LRRC72: variants seen among roughly 807,000 people sequenced by gnomAD.
LRRC72 encodes the protein leucine rich repeat containing 72, also known as leucine-rich repeat-containing protein 72.
In LRRC72, 41 loss-of-function variants were observed where a neutral mutation model predicts 35.8. The observed-to-expected ratio is 1.15, with a 90% confidence interval of 0.89 to 1.49. The LOEUF (loss-of-function observed/expected upper bound fraction) is 1.49. LRRC72 is among the 40% of genes most tolerant of loss of function. The pLI is 0.00. For missense variants in LRRC72, 389 were observed against 330.7 expected (o/e 1.18, Z -1.37); for synonymous variants, 118 against 119.2 (o/e 0.99, Z 0.07).
chr7:16,555,155 C>G (rs1782628986), intron 3 of LRRC72, among the ~76,000 whole-genome samples: 1 of 152,182 alleles, frequency 6.6e-6, no homozygotes, highest in African/African-American at 2.4e-5. Context: ...CATAACAAAA[C>G]ATTTGGTGAA....
chr7:16,553,904 T>C (rs1007721250), intron 3 of LRRC72, among the ~76,000 whole-genome samples: 1 of 152,216 alleles, frequency 6.6e-6, no homozygotes, highest in Admixed American at 6.5e-5. Context: ...TAAATAATAG[T>C]CATCTATTGA....
intron 3 of LRRC72, among the ~76,000 whole-genome samples, chr7:16,540,883 A>T (rs979511072): frequency 1.1e-4 from 17 of 152,132 alleles, no homozygotes; most frequent in African/African-American, 3.9e-4. Context: ...TTTATAAATG[A>T]CCCAGTCTTG....
Position 16,557,405 on chromosome 7 carries a change from C to G in LRRC72, c.280C>G (p.Leu94Val). The G allele has an allele frequency of 7.5e-7, 1 of 1,335,008 alleles. No individual in the cohort carries two copies. Among genetic ancestry groups the G allele is most frequent in the Non-Finnish European group, 9.8e-7 (1 of 1,017,354 alleles). The allele number at this position is 1,335,008 out of a possible 1,614,324, so 82.7% of individuals were successfully genotyped here. A position where few individuals can be genotyped will look rare whatever the true frequency, so the allele number is the denominator to read the frequency against. Reference protein sequence around the residue: ...FLTRNYCLTELYLNNNAIFEI... With the variant: ...FLTRNYCLTEVYLNNNAIFEI... ...AACTAGAAACTATTGTCTGACAGAA[C>G]TATATCTAAACAACAATGCAATATT... Residue 94 changes from leucine (L) to valine (V), a missense_variant, in exon 4 of 9, where the codon CTA becomes GTA. Leu to Val is a conservative substitution (Grantham distance 32). Coordinates refer to ENST00000401542, the MANE Select transcript of LRRC72 (RefSeq NM_001195280.2).
At chr7:16,536,681 C>T (rs1192743034) in intron 2 of LRRC72, among the ~76,000 whole-genome samples, 1 of 151,964 alleles carries the variant, frequency 6.6e-6, no homozygotes, top group Non-Finnish European at 1.5e-5. Context: ...GAAATGGTTG[C>T]ATGCTTTCAA....
intron 5 of LRRC72, among the ~76,000 whole-genome samples, chr7:16,564,419 C>A (rs1339343949): frequency 6.6e-6 from 1 of 152,068 alleles, no homozygotes. Context: ...CTGTTCTATT[C>A]CCTGTCCTGC....
chr7:16,542,911 T>G (rs1364130449), intron 3 of LRRC72, among the ~76,000 whole-genome samples: 4 of 152,356 alleles, frequency 2.6e-5, no homozygotes, highest in African/African-American at 9.6e-5. Flanking sequence ...ATCACTTAAT[T>G]TGTTCTTTAT....
At position 16,580,108 on chromosome 7, in the gene LRRC72, A is replaced by G; in HGVS notation, c.698+7A>G. 2.5e-6 allele frequency: 1 copy of G among 395,940 alleles called. No homozygotes were observed. Among genetic ancestry groups the G allele is most frequent in the Non-Finnish European group, 4.6e-6 (1 of 219,746 alleles). The allele number at this position is 395,940 out of a possible 1,614,324, so 24.5% of individuals were successfully genotyped here. A position where few individuals can be genotyped will look rare whatever the true frequency, so the allele number is the denominator to read the frequency against. On this transcript the variant is annotated splice_region_variant and intron_variant, in intron 8 of 8. Transcript: ENST00000401542. ...TTGCAAATAATGTAGACAAGTAAGT[A>G]ATTTTATCTATACATTTATTATCAG...
chr7:16,568,788 C>T (rs575246315), intron 7 of LRRC72, among the ~76,000 whole-genome samples: 1 of 152,238 alleles, frequency 6.6e-6, no homozygotes, highest in African/African-American at 2.4e-5. Context: ...CCCAGATGAC[C>T]TACAAAAGAA....
chr7:16,553,408 T>C (rs1208377270), intron 3 of LRRC72, among the ~76,000 whole-genome samples: 1 of 152,224 alleles, frequency 6.6e-6, no homozygotes, highest in African/African-American at 2.4e-5. Flanking sequence ...GGTTTTCTCC[T>C]AGGTAAACTG....
chr7:16,571,359 A>G (rs1782940523), intron 7 of LRRC72, among the ~76,000 whole-genome samples: 1 of 152,062 alleles, frequency 6.6e-6, no homozygotes, highest in African/African-American at 2.4e-5. Context: ...TAACATCAAC[A>G]CAGATATTAA....
At chr7:16,557,102 G>A (rs974368931) in intron 3 of LRRC72, among the ~76,000 whole-genome samples, 1 of 152,182 alleles carries the variant, frequency 6.6e-6, no homozygotes, top group African/African-American at 2.4e-5. Context: ...GGAAAGCCTA[G>A]CAAGCAAGTT....
intron 7 of LRRC72, among the ~76,000 whole-genome samples, chr7:16,572,127 C>A (rs1387779572): frequency 6.6e-6 from 1 of 152,180 alleles, no homozygotes; most frequent in African/African-American, 2.4e-5. Context: ...AATCCCTGAA[C>A]AGACCAATAA....
rs572334692 is a variant in LRRC72 at position 16,558,331 on chromosome 7, G to A, written c.317-558G>A. On this transcript the variant is annotated intron_variant, in intron 4 of 8. Coordinates refer to ENST00000401542, the MANE Select transcript of LRRC72 (RefSeq NM_001195280.2). ...TACATTTTAAAAAGTAAAACAGGCC[G>A]GGCGCGGTGGCTCATGCCTGTAATC... Among the ~76,000 whole-genome samples, 6 of 152,132 alleles carry A rather than the reference G, an allele frequency of 3.9e-5. No individual in the cohort carries two copies. The East Asian group carries it at 5.8e-4, about 15-fold the overall frequency.
chr7:16,562,146 TG>T (rs1217568799), intron 5 of LRRC72, among the ~76,000 whole-genome samples: 1 of 152,166 alleles, frequency 6.6e-6, no homozygotes, highest in African/African-American at 2.4e-5. Context: ...TGTGAGGTCC[TG>T]GGAACTGGAA....
intron 3 of LRRC72, among the ~76,000 whole-genome samples, chr7:16,547,893 A>T (rs548372536): frequency 6.6e-6 from 1 of 152,204 alleles, no homozygotes; most frequent in African/African-American, 2.4e-5. Flanking sequence ...CAGGTCCCCA[A>T]TGAAGCCCCA....
At chr7:16,572,583 C>G (rs923152915) in intron 7 of LRRC72, among the ~76,000 whole-genome samples, 1 of 152,118 alleles carries the variant, frequency 6.6e-6, no homozygotes, top group Admixed American at 6.6e-5. Context: ...TGCAAAAAGG[C>G]CTTCAATAAA....
rs371430346 is a variant in LRRC72, at chr7:16,555,819, CACAA to C, written c.235-1535_235-1532del. Among the ~76,000 whole-genome samples the C allele has an allele frequency of 6.7e-3, 1,023 of 152,092 alleles. 10 individuals carry two copies. The highest frequency in any genetic ancestry group is 0.023 in the African/African-American group (971 of 41,488). ...TTCCTATGATAAGCTTTAGAAAACACACAAACAAAGAATTTACAGTCAGGAACAT... is the reference window on the plus strand; with the variant it reads ...TTCCTATGATAAGCTTTAGAAAACACACAAAGAATTTACAGTCAGGAACAT... On this transcript the variant is annotated intron_variant, in intron 3 of 8. Coordinates refer to ENST00000401542, the MANE Select transcript of LRRC72 (RefSeq NM_001195280.2).
chr7:16,548,688 G>A (rs1043661233), intron 3 of LRRC72, among the ~76,000 whole-genome samples: 2 of 152,204 alleles, frequency 1.3e-5, no homozygotes, highest in Admixed American at 6.5e-5. Flanking sequence ...GCTCACTCTT[G>A]ACAGGCATGG....
chr7:16,545,689 T>C (rs1351964368), intron 3 of LRRC72, among the ~76,000 whole-genome samples: 1 of 152,192 alleles, frequency 6.6e-6, no homozygotes. Flanking sequence ...TTATATCCTT[T>C]GTGTCAACTT....
Sources: gnomAD v4.1 joint callset for allele counts (sites outside exome capture counted in the v4.1 genomes callset) on GRCh38, gnomAD v4.1.1 for gene constraint, MANE v1.5 for transcripts, NCBI Gene and HGNC (gene_info 2026-07-23, HGNC 2026-07-21) for gene names.